Variants in MLPH observed in about 807,000 individuals in gnomAD.
MLPH encodes melanophilin.
Under a neutral mutation model 72.1 loss-of-function variants are expected in MLPH, and 51 were observed. The ratio of observed to expected loss-of-function variants is 0.71; its 90% CI spans 0.56 to 0.89. MLPH has a LOEUF of 0.89. MLPH is among the 40% of genes least tolerant of loss of function. The probability of loss-of-function intolerance (pLI) is 0.00; values close to 1 mark genes in which losing one functional copy is unlikely to be tolerated. For synonymous variants in MLPH, 301 were observed against 310.1 expected, an observed-to-expected ratio of 0.97 and a Z score of 0.31; for missense variants, 743 against 759.9, an observed-to-expected ratio of 0.98 and a Z score of 0.26.
chr2:237,550,402 C>T (rs1032426732), intron 14 of MLPH, among the ~76,000 whole-genome samples: 1 of 152,170 alleles, frequency 6.6e-6, no homozygotes, highest in African/African-American at 2.4e-5. Flanking sequence ...GGGGCTAATC[C>T]CAGATTCAGG....
At position 237,541,608 on chromosome 2, in the gene MLPH, GGAGC is replaced by G. The variant is rs2080687370; in HGVS notation, c.1446+655_1446+658del. Among the ~76,000 whole-genome samples, 1 of 152,210 alleles carries G rather than the reference GGAGC, an allele frequency of 6.6e-6. No homozygotes were observed. Among genetic ancestry groups the G allele is most frequent in the Non-Finnish European group, 1.5e-5 (1 of 68,044 alleles). ...GCACGTCCCCTAGAGCTGTTCAAGG[GGAGC>G]GAGTCAGGCTCTGGACTTTCCCTTC... On this transcript the variant is annotated intron_variant, in intron 11 of 15. Coordinates refer to ENST00000264605, the MANE Select transcript of MLPH (RefSeq NM_024101.7). The surrounding 1 kb of genome is among the most constrained non-coding windows in gnomAD (Gnocchi z 5.1).
chr2:237,511,163 G>T, intron 4 of MLPH, 62 bp downstream of exon 4: 3 of 1,371,152 alleles, frequency 2.2e-6, no homozygotes, highest in Non-Finnish European at 3.1e-6. Flanking sequence ...ATTAAAGCAG[G>T]TTCCTTTGGA....
intron 9 of MLPH, among the ~76,000 whole-genome samples, chr2:237,535,921 C>A (rs2080521541): frequency 6.6e-6 from 1 of 152,206 alleles, no homozygotes; most frequent in Non-Finnish European, 1.5e-5. Flanking sequence ...TCTGGCACCA[C>A]TCGGTCTTTC....
intron 1 of MLPH, among the ~76,000 whole-genome samples, chr2:237,490,292 G>A (rs1240964991): frequency 2.6e-5 from 4 of 151,492 alleles, no homozygotes; most frequent in Admixed American, 1.3e-4. Flanking sequence ...TTGCACTATC[G>A]CACTGCAGCC....
intron 8 of MLPH, 51 bp from the exon 9 acceptor site, chr2:237,534,512 TG>T: frequency 6.8e-7 from 1 of 1,468,794 alleles, no homozygotes; most frequent in Non-Finnish European, 9.5e-7. Context: ...AGTGTCTTGC[TG>T]GTTGGAGTGC....
At chr2:237,519,778 TG>T in intron 5 of MLPH, 131 bp from the exon 6 acceptor site, 1 of 1,286,330 alleles carries the variant, frequency 7.8e-7, no homozygotes, top group Non-Finnish European at 1.1e-6. Flanking sequence ...GTGGAGGGGG[TG>T]GATGTGCTGG....
At chr2:237,523,314 G>A (rs762739318) in intron 6 of MLPH, among the ~76,000 whole-genome samples, 1 of 152,170 alleles carries the variant, frequency 6.6e-6, no homozygotes, top group Non-Finnish European at 1.5e-5. Flanking sequence ...GGTTGGCTAA[G>A]GTAACAGTAA....
intron 4 of MLPH, among the ~76,000 whole-genome samples, chr2:237,516,284 G>T (rs1328229891): frequency 6.6e-6 from 1 of 152,212 alleles, no homozygotes; most frequent in Non-Finnish European, 1.5e-5. Flanking sequence ...CACAGCCACA[G>T]CACCGGCCAA....
At position 237,510,549 on chromosome 2, in the gene MLPH, T is replaced by C. The variant is rs747912990; in HGVS notation, c.111-25T>C. On this transcript the variant is annotated intron_variant, in intron 2 of 15. Coordinates refer to ENST00000264605, the MANE Select transcript of MLPH (RefSeq NM_024101.7). The surrounding 1 kb of genome is among the most constrained non-coding windows in gnomAD (Gnocchi z 4.4). ...TGCAAAAACAAGATGCCCAATATATTTCTTGTTTCTGATATTTTCCCAAGG... is the reference window on the plus strand; with the variant it reads ...TGCAAAAACAAGATGCCCAATATATCTCTTGTTTCTGATATTTTCCCAAGG... The C allele has an allele frequency of 6.2e-7, 1 of 1,608,994 alleles. No individual in the cohort carries two copies. The highest frequency in any genetic ancestry group is 1.3e-5 in the African/African-American group (1 of 74,814).
Position 237,546,512 on chromosome 2 carries a change from G to C in MLPH, c.1540-94G>C, listed in dbSNP as rs2080921446. 12 of 1,064,620 alleles carry C rather than the reference G, an allele frequency of 1.1e-5. No homozygotes were observed. In the South Asian group the frequency reaches 1.4e-4, roughly 12 times the overall value. The allele number at this position is 1,064,620 out of a possible 1,614,324, so 65.9% of individuals were successfully genotyped here. On this transcript the variant is annotated intron_variant, in intron 12 of 15. Coordinates refer to ENST00000264605, the MANE Select transcript of MLPH (RefSeq NM_024101.7). ...GCATCCCCAACCCAGCATGTATAGA[G>C]AGCATCCATCCTTACATCCAGCTGA... is the stretch of plus-strand genomic sequence containing the variant.
Position 237,512,157 on chromosome 2 carries a change from G to T in MLPH, c.445+1056G>T, listed in dbSNP as rs1435184800. Among the ~76,000 whole-genome samples the T allele has an allele frequency of 6.6e-6, 1 of 152,250 alleles. No homozygotes were observed. The highest frequency in any genetic ancestry group is 2.4e-5 in the African/African-American group (1 of 41,468). ...GCAGAGGCTGTGCTTCTGGATTGGG[G>T]CGTCCTCACCATGCCCCAGCCCAGG... On this transcript the variant is annotated intron_variant, in intron 4 of 15. Transcript: ENST00000264605. The surrounding 1 kb of genome is among the most constrained non-coding windows in gnomAD (Gnocchi z 5.5).
intron 14 of MLPH, among the ~76,000 whole-genome samples, chr2:237,550,518 T>A (rs2081010294): frequency 6.6e-6 from 1 of 152,038 alleles, no homozygotes; most frequent in Admixed American, 6.5e-5. Flanking sequence ...TTCCTGCACA[T>A]CTCGTGGGCT....
intron 4 of MLPH, among the ~76,000 whole-genome samples, chr2:237,514,581 G>A (rs1381584575): frequency 6.6e-6 from 1 of 152,216 alleles, no homozygotes; most frequent in Non-Finnish European, 1.5e-5. Context: ...CAAGAGGGCA[G>A]GAGAAGGTCA....
chr2:237,521,174 C>G (rs1391860303), intron 6 of MLPH, among the ~76,000 whole-genome samples: 1 of 152,104 alleles, frequency 6.6e-6, no homozygotes. Context: ...TAACCAGAGT[C>G]GTGTAGCGAG....
At position 237,549,560 on chromosome 2, in the gene MLPH, C is replaced by T. The variant is rs143289469; in HGVS notation, c.1675+282C>T. Among the ~76,000 whole-genome samples, 7 of 152,314 alleles carry T rather than the reference C, an allele frequency of 4.6e-5. No individual in the cohort carries two copies. In the East Asian group the frequency reaches 5.8e-4, roughly 13 times the overall value. ...TGGTTTTCTACATAAATTGTCCTAA[C>T]GTGGTACACAGTTCCTGGCCTTCTA... On this transcript the variant is annotated intron_variant, in intron 14 of 15. Transcript: ENST00000264605.
chr2:237,537,947 C>T (rs1382400238), intron 9 of MLPH, among the ~76,000 whole-genome samples: 1 of 152,200 alleles, frequency 6.6e-6, no homozygotes, highest in Non-Finnish European at 1.5e-5. Context: ...TTCATGGGGC[C>T]AGGGGAGAGC....
At chr2:237,532,302 T>G (rs2080436498) in intron 8 of MLPH, among the ~76,000 whole-genome samples, 1 of 152,224 alleles carries the variant, frequency 6.6e-6, no homozygotes, top group South Asian at 2.1e-4. Context: ...GCCTTTGCAT[T>G]TGTATTGACA....
At chr2:237,502,762 A>G (rs1320130094) in intron 2 of MLPH, among the ~76,000 whole-genome samples, 1 of 152,236 alleles carries the variant, frequency 6.6e-6, no homozygotes, top group Non-Finnish European at 1.5e-5. Flanking sequence ...GAGGAGGTTC[A>G]GAGAGAATCT....
intron 7 of MLPH, 120 bp from the exon 8 acceptor site, chr2:237,527,229 TATTGTGACTTTGGAACCTCAGCCCTGTA>T: frequency 1.0e-6 from 1 of 953,992 alleles, no homozygotes; most frequent in East Asian, 2.5e-5. Context: ...GCCCCATTCT[TATTGTGACTTTGGAACCTCAGCCCTGTA>T]ACATGAACAT....
Sources: gnomAD v4.1 joint callset for allele counts (sites outside exome capture counted in the v4.1 genomes callset) on GRCh38, gnomAD v4.1.1 for gene constraint, Gnocchi (gnomAD v3.1) non-coding constraint, MANE v1.5 for transcripts, NCBI Gene and HGNC (gene_info 2026-07-23, HGNC 2026-07-21) for gene names.